Variants in KPNA1 observed in about 807,000 individuals in gnomAD.
KPNA1 encodes the protein karyopherin subunit alpha 1.
Under a neutral mutation model 70.5 loss-of-function variants are expected in KPNA1, and 10 were observed. The ratio of observed to expected loss-of-function variants is 0.14; its 90% confidence interval spans 0.09 to 0.24. The LOEUF (loss-of-function observed/expected upper bound fraction) is 0.24, where lower values mean the gene tolerates loss of function less well. Ranked by LOEUF, KPNA1 falls within the 10% of genes least tolerant of loss-of-function variation. The pLI is 1.00. For synonymous variants in KPNA1, 192 were observed against 221.9 expected (o/e 0.87, Z 1.20); for missense variants, 397 against 637.9 (o/e 0.62, Z 4.07).
chr3:122,497,185 A>C (rs2076773262), intron 1 of KPNA1, among the ~76,000 whole-genome samples: 1 of 152,184 alleles, frequency 6.6e-6, no homozygotes, highest in Non-Finnish European at 1.5e-5. Flanking sequence ...GAATCATATA[A>C]TATGCAGTAT....
At chr3:122,459,389 AG>A in intron 5 of KPNA1, 3 of 981,550 alleles carry the variant, frequency 3.1e-6, no homozygotes, top group Non-Finnish European at 3.6e-6. Flanking sequence ...TCATTCCCAG[AG>A]ACAGGAAAGA....
intron 1 of KPNA1, among the ~76,000 whole-genome samples, chr3:122,514,009 A>G (rs972911518): frequency 1.3e-5 from 2 of 152,316 alleles, no homozygotes; most frequent in East Asian, 3.9e-4. Context: ...ATCCTAAAAC[A>G]TTACTTCATG....
At chr3:122,511,023 T>C (rs2076949125) in intron 1 of KPNA1, among the ~76,000 whole-genome samples, 1 of 152,144 alleles carries the variant, frequency 6.6e-6, no homozygotes, top group Admixed American at 6.6e-5. Context: ...CAGCCCTATT[T>C]GAATCCCAAC....
rs775304936 is a variant in KPNA1 at position 122,449,776 on chromosome 3, T to G, written c.754-39A>C. 32 of 1,562,702 alleles carry G rather than the reference T, an allele frequency of 2.0e-5. No homozygotes were observed. The Admixed American group carries it at 2.2e-4, about 11-fold the overall frequency. ...ATGATGATTATGAAATTCAATAGACTAAAAGCCAGAAGTGAGGTGAGATAC... is the reference window on the plus strand; with the variant it reads ...ATGATGATTATGAAATTCAATAGACGAAAAGCCAGAAGTGAGGTGAGATAC... On this transcript the variant is annotated intron_variant, in intron 8 of 13. Transcript: ENST00000344337.
chr3:122,469,254 CAA>C (rs1352206053), intron 2 of KPNA1, among the ~76,000 whole-genome samples: 1 of 151,894 alleles, frequency 6.6e-6, no homozygotes, highest in Non-Finnish European at 1.5e-5. Flanking sequence ...TAAAGCATAA[CAA>C]AGAAATTCCC....
intron 1 of KPNA1, among the ~76,000 whole-genome samples, chr3:122,505,762 T>C (rs1282991217): frequency 1.3e-5 from 2 of 152,200 alleles, no homozygotes; most frequent in African/African-American, 4.8e-5. Context: ...TTATCAAATT[T>C]TGCTTATTCT....
At chr3:122,501,844 T>C (rs894103485) in intron 1 of KPNA1, among the ~76,000 whole-genome samples, 13 of 152,196 alleles carry the variant, frequency 8.5e-5, no homozygotes, top group Admixed American at 2.0e-4. Context: ...ATTACTGAAT[T>C]CTCTGTTTCT....
At chr3:122,479,385 C>G (rs76424939) in intron 2 of KPNA1, among the ~76,000 whole-genome samples, 13,224 of 152,284 alleles carry the variant, frequency 0.087, 761 homozygotes, top group Middle Eastern at 0.21. Flanking sequence ...GGCTGTGGAA[C>G]AGGAACTCAT....
chr3:122,460,158 G>A (rs2076307609), intron 5 of KPNA1: 2 of 985,166 alleles, frequency 2.0e-6, no homozygotes, highest in Admixed American at 6.1e-5. Flanking sequence ...TCCTACAGGT[G>A]AGAATTTAGG....
intron 12 of KPNA1, among the ~76,000 whole-genome samples, chr3:122,428,291 G>A (rs1420483238): frequency 6.6e-6 from 1 of 152,166 alleles, no homozygotes; most frequent in African/African-American, 2.4e-5. Context: ...CACATTCACA[G>A]TAAATAGTCA....
At chr3:122,466,779 A>G (rs926246673) in intron 3 of KPNA1, among the ~76,000 whole-genome samples, 1 of 152,108 alleles carries the variant, frequency 6.6e-6, no homozygotes, top group African/African-American at 2.4e-5. Flanking sequence ...AGGCCAAGGC[A>G]AAAGGATCAC....
chr3:122,449,136 C>A (rs1023831686), intron 9 of KPNA1, among the ~76,000 whole-genome samples: 1 of 152,086 alleles, frequency 6.6e-6, no homozygotes, highest in Non-Finnish European at 1.5e-5. Flanking sequence ...ATTTATGTCA[C>A]GAGTAAATCT....
chr3:122,478,581 A>G (rs936371568), intron 2 of KPNA1, among the ~76,000 whole-genome samples: 2 of 151,918 alleles, frequency 1.3e-5, no homozygotes, highest in Admixed American at 6.6e-5. Context: ...AATTAGCTGG[A>G]CATGTTGGCA....
chr3:122,456,539 C>T (rs1005400443), intron 5 of KPNA1, among the ~76,000 whole-genome samples: 2 of 152,114 alleles, frequency 1.3e-5, no homozygotes, highest in African/African-American at 4.8e-5. Context: ...GTTCAAACTG[C>T]TATTTTGAGT....
At chr3:122,477,208 A>T (rs2076511974) in intron 2 of KPNA1, among the ~76,000 whole-genome samples, 1 of 152,202 alleles carries the variant, frequency 6.6e-6, no homozygotes, top group South Asian at 2.1e-4. Flanking sequence ...TTTTATGTGG[A>T]ATCTAAAAAA....
chr3:122,503,845 T>C (rs1211077238), intron 1 of KPNA1, among the ~76,000 whole-genome samples: 2 of 152,084 alleles, frequency 1.3e-5, no homozygotes, highest in South Asian at 2.1e-4. Flanking sequence ...CTGAGAGCTG[T>C]TTGAAAAAAA....
chr3:122,483,353 G>GTT (rs201313311), intron 2 of KPNA1: 4 of 154,364 alleles, frequency 2.6e-5, no homozygotes, highest in Admixed American at 6.5e-5. Context: ...GTTTTGTTTT[G>GTT]TTTTTTTTAA....
chr3:122,488,328 C>T (rs2076653712), intron 2 of KPNA1, among the ~76,000 whole-genome samples: 1 of 151,980 alleles, frequency 6.6e-6, no homozygotes, highest in Non-Finnish European at 1.5e-5. Flanking sequence ...TGAGACCAGC[C>T]TGGGCAACAT....
intron 9 of KPNA1, among the ~76,000 whole-genome samples, chr3:122,447,190 T>C (rs1027453588): frequency 3.9e-5 from 6 of 152,154 alleles, no homozygotes; most frequent in African/African-American, 1.4e-4. Context: ...ATCATCCTGA[T>C]ACCAAAGCCT....
Sources: gnomAD v4.1 joint callset for allele counts (sites outside exome capture counted in the v4.1 genomes callset) on GRCh38, gnomAD v4.1.1 for gene constraint, MANE v1.5 for transcripts, NCBI Gene and HGNC (gene_info 2026-07-23, HGNC 2026-07-21) for gene names.